Variants in ZFP1 observed in about 807,000 individuals in gnomAD.
ZFP1 encodes zinc finger protein 1 homolog.
A neutral mutation model predicts 38.5 loss-of-function variants in ZFP1; 32 were observed. That is an observed-to-expected ratio of 0.83 (90% confidence interval 0.63 to 1.12). The LOEUF (loss-of-function observed/expected upper bound fraction) is 1.12. Ranked by LOEUF, ZFP1 falls within the 50% of genes most tolerant of loss-of-function variation. The pLI is 0.00. For synonymous variants in ZFP1, 245 were observed against 168.8 expected, an observed-to-expected ratio of 1.45 and a Z score of -3.50; for missense variants, 616 against 480.8, an observed-to-expected ratio of 1.28 and a Z score of -2.63.
intron 3 of ZFP1, 135 bp downstream of exon 3, chr16:75,167,031 G>A (rs1248684248): frequency 2.0e-6 from 3 of 1,467,998 alleles, no homozygotes; most frequent in East Asian, 2.3e-5. Flanking sequence ...GAGAGATCTT[G>A]CAGCCTTTAA....
the ZFP1 span, among the ~76,000 whole-genome samples, chr16:75,137,802 C>G: frequency 6.6e-6 from 1 of 151,912 alleles, no homozygotes; most frequent in Admixed American, 6.6e-5. Context: ...TGCAGTGAGG[C>G]TTAGGCAGGA....
chr16:75,150,565 A>G (rs1336481240), intron 1 of ZFP1, among the ~76,000 whole-genome samples: 3 of 152,184 alleles, frequency 2.0e-5, no homozygotes, highest in Admixed American at 6.5e-5. Context: ...TGATTTGGTC[A>G]GAATACTGTG....
chr16:75,170,387 G>C lies in ZFP1; in HGVS notation c.*53G>C, dbSNP rs757660660. 2.5e-5 allele frequency: 37 copies of C among 1,502,632 alleles called. No homozygotes were observed. The highest frequency in any genetic ancestry group is 3.2e-5 in the Non-Finnish European group (36 of 1,126,540). 93.1% of individuals were successfully genotyped at this position (1,502,632 alleles called of 1,614,324 possible). A position where few individuals can be genotyped will look rare whatever the true frequency, so the allele number is the denominator to read the frequency against. ...ACTCCTGCCAGAACTCTTCAAGCGG[G>C]TGAAAAACCTCATGACAGTATTGAG... On this transcript the variant is annotated 3_prime_UTR_variant, in exon 4 of 4. Transcript: ENST00000570010.
rs781601820 is a variant in ZFP1, at chr16:75,169,895, A to G, written c.785A>G (p.His262Arg). The G allele has an allele frequency of 6.2e-7, 1 of 1,614,236 alleles. No individual in the cohort carries two copies. The change falls in exon 4 of 4, where the codon CAT becomes CGT. Residue 262 changes from histidine to arginine, a missense_variant. Physicochemically the swap from His to Arg is conservative, Grantham distance 29. Transcript: ENST00000570010. ...AACCTCATTGTACACCAGAGAGCAC[A>G]TATGGAGAAGAAGCCCTATGAGTGC... ...QSNLIVHQRA[H>R]MEKKPYECSE...
chr16:75,171,148 C>T lies in ZFP1; in HGVS notation c.*814C>T, dbSNP rs1460452811. 1 of 152,130 alleles carries T rather than the reference C, an allele frequency of 6.6e-6. No homozygotes were observed. The highest frequency in any genetic ancestry group is 1.5e-5 in the Non-Finnish European group (1 of 68,040). The allele number at this position is 152,130 out of a possible 1,614,324, so 9.4% of individuals were successfully genotyped here. A position where few individuals can be genotyped will look rare whatever the true frequency, so the allele number is the denominator to read the frequency against. ...CCCATTCGTCATGCTCTTATTTTCCCGTGGGATATTTGCATACAAATGCAT... is the reference window on the plus strand; with the variant it reads ...CCCATTCGTCATGCTCTTATTTTCCTGTGGGATATTTGCATACAAATGCAT... On this transcript the variant is annotated 3_prime_UTR_variant, in exon 4 of 4. Transcript: ENST00000570010.
intron 2 of ZFP1, among the ~76,000 whole-genome samples, chr16:75,161,139 C>T (rs1333582891): frequency 6.6e-6 from 1 of 152,100 alleles, no homozygotes; most frequent in Non-Finnish European, 1.5e-5. Flanking sequence ...ACCATCTTGG[C>T]TCACTGCCAC....
chr16:75,123,916 C>T, the ZFP1 span, among the ~76,000 whole-genome samples: 1 of 133,676 alleles, frequency 7.5e-6, no homozygotes, highest in Non-Finnish European at 1.6e-5. Context: ...ACGGTGAAAC[C>T]CTGTCTCTAC....
the ZFP1 span, among the ~76,000 whole-genome samples, chr16:75,142,013 C>T: frequency 7.3e-5 from 11 of 149,922 alleles, no homozygotes; most frequent in African/African-American, 2.7e-4. Context: ...GAGATCGCGC[C>T]ACTGCACTCC....
At chr16:75,156,317 C>A (rs1482313478) in intron 2 of ZFP1, among the ~76,000 whole-genome samples, 1 of 152,024 alleles carries the variant, frequency 6.6e-6, no homozygotes, top group Non-Finnish European at 1.5e-5. Context: ...ATTAGCCGGG[C>A]GTGGTAGCAT....
At chr16:75,153,721 C>T (rs1016312288) in intron 2 of ZFP1, among the ~76,000 whole-genome samples, 2 of 152,080 alleles carry the variant, frequency 1.3e-5, no homozygotes, top group Non-Finnish European at 2.9e-5. Flanking sequence ...CCATAGTTTA[C>T]AGTAGGGATC....
chr16:75,127,249 G>A, the ZFP1 span, among the ~76,000 whole-genome samples: 1 of 152,252 alleles, frequency 6.6e-6, no homozygotes, highest in East Asian at 1.9e-4. Flanking sequence ...AACTCTAACA[G>A]GTGCTCTTTT....
chr16:75,172,099 G>A lies in ZFP1; in HGVS notation c.*1765G>A, dbSNP rs1007680780. The A allele has an allele frequency of 8.5e-5, 13 of 152,312 alleles. No individual in the cohort carries two copies. The highest frequency in any genetic ancestry group is 3.1e-4 in the African/African-American group (13 of 41,568). 9.4% of individuals were successfully genotyped at this position (152,312 alleles called of 1,614,324 possible). On this transcript the variant is annotated 3_prime_UTR_variant, in exon 4 of 4. Coordinates refer to ENST00000570010, the MANE Select transcript of ZFP1 (RefSeq NM_153688.4). ...ATTGTGGTAAAAACATACCATGGCT[G>A]AATGGTATTTCCTTGAAAAGAATGT... is the stretch of plus-strand genomic sequence containing the variant.
At position 75,171,238 on chromosome 16, in the gene ZFP1, C is replaced by G. The variant is rs935242068; in HGVS notation, c.*904C>G. ...CCTGTTTTTGTCTTTCCTTGTTTCCCTTAATATTTCATGAATTGTCTAGCA... is the reference window on the plus strand; with the variant it reads ...CCTGTTTTTGTCTTTCCTTGTTTCCGTTAATATTTCATGAATTGTCTAGCA... On this transcript the variant is annotated 3_prime_UTR_variant, in exon 4 of 4. Coordinates refer to ENST00000570010, the MANE Select transcript of ZFP1 (RefSeq NM_153688.4). 5 of 152,104 alleles carry G rather than the reference C, an allele frequency of 3.3e-5. No homozygotes were observed. Among genetic ancestry groups the G allele is most frequent in the Non-Finnish European group, 7.4e-5 (5 of 68,020 alleles). The allele number at this position is 152,104 out of a possible 1,614,324, so 9.4% of individuals were successfully genotyped here.
At chr16:75,125,661 A>G in the ZFP1 span, among the ~76,000 whole-genome samples, 121 of 152,258 alleles carry the variant, frequency 7.9e-4, no homozygotes, top group Middle Eastern at 3.4e-3. Context: ...AATTTTATAA[A>G]TTGTTTATAA....
the ZFP1 span, among the ~76,000 whole-genome samples, chr16:75,134,121 G>T: frequency 6.6e-6 from 1 of 152,122 alleles, no homozygotes; most frequent in African/African-American, 2.4e-5. Context: ...GGAATTGAAA[G>T]GTATAGGATT....
chr16:75,125,267 T>A, the ZFP1 span, among the ~76,000 whole-genome samples: 92 of 151,780 alleles, frequency 6.1e-4, 1 homozygote, highest in East Asian at 2.3e-3. Context: ...TCGAAAAAAA[T>A]TTTTTTTTAA....
chr16:75,148,909 CCTCAGACGGGCGG>C, intron 1 of ZFP1: 1 of 152,066 alleles, frequency 6.6e-6, no homozygotes, highest in East Asian at 1.9e-4. Flanking sequence ...AGGAGATGCG[CCTCAGACGGGCGG>C]CGAAGGGCTC....
At chr16:75,153,463 C>G (rs552274150) in intron 2 of ZFP1, among the ~76,000 whole-genome samples, 153 of 152,240 alleles carry the variant, frequency 1.0e-3, no homozygotes, top group African/African-American at 3.5e-3. Flanking sequence ...CATAATTACA[C>G]AAGTACAAAT....
the ZFP1 span, among the ~76,000 whole-genome samples, chr16:75,142,242 C>T: frequency 1.3e-5 from 2 of 151,066 alleles, no homozygotes; most frequent in African/African-American, 4.9e-5. Flanking sequence ...TGGTGCACAC[C>T]TGTAGTCCCA....
Sources: gnomAD v4.1 joint callset for allele counts (sites outside exome capture counted in the v4.1 genomes callset) on GRCh38, gnomAD v4.1.1 for gene constraint, MANE v1.5 for transcripts, NCBI Gene and HGNC (gene_info 2026-07-23, HGNC 2026-07-21) for gene names.